The following CGNL1 variants were observed in gnomAD, a reference collection of about 807,000 sequenced individuals.
The protein encoded by CGNL1 is cingulin like 1, also known as cingulin-like protein 1.
CGNL1 carries 132 observed loss-of-function variants against 141.2 expected under a neutral mutation model. The ratio of observed to expected loss-of-function variants is 0.93; its 90% CI spans 0.81 to 1.08. The LOEUF is 1.08. CGNL1 is among the 50% of genes least tolerant of loss of function. The pLI, the probability that CGNL1 is intolerant of heterozygous loss-of-function variation, is 0.00. For synonymous variants in CGNL1, 690 were observed against 622.1 expected (o/e 1.11, Z -1.63); for missense variants, 1,870 against 1,588.6 (o/e 1.18, Z -3.01).
At chr15:57,533,879 G>A (rs567548317) in intron 14 of CGNL1, among the ~76,000 whole-genome samples, 1 of 152,346 alleles carries the variant, frequency 6.6e-6, no homozygotes, top group Non-Finnish European at 1.5e-5. Context: ...AGGACTTGAA[G>A]TAAGTCCAGG....
intron 8 of CGNL1, among the ~76,000 whole-genome samples, chr15:57,515,588 G>C (rs542405462): frequency 1.3e-5 from 2 of 152,222 alleles, no homozygotes; most frequent in East Asian, 1.9e-4. Flanking sequence ...GAGAAATGGA[G>C]GACAGGTAAG....
At chr15:57,402,484 G>T (rs370860473) in intron 1 of CGNL1, among the ~76,000 whole-genome samples, 1 of 152,168 alleles carries the variant, frequency 6.6e-6, no homozygotes, top group African/African-American at 2.4e-5. Flanking sequence ...CATGCTCTAA[G>T]TAGGGCATAA....
intron 8 of CGNL1, among the ~76,000 whole-genome samples, chr15:57,462,396 G>A (rs778910138): frequency 8.5e-5 from 13 of 152,260 alleles, no homozygotes; most frequent in Middle Eastern, 3.4e-3. Flanking sequence ...CTGAATTGCC[G>A]AAACCCTTCC....
At chr15:57,436,711 A>G (rs1209409506) in intron 1 of CGNL1, among the ~76,000 whole-genome samples, 1 of 152,208 alleles carries the variant, frequency 6.6e-6, no homozygotes, top group Non-Finnish European at 1.5e-5. Context: ...TAAAAATCAA[A>G]CTAGAACTCA....
intron 1 of CGNL1, among the ~76,000 whole-genome samples, chr15:57,395,063 A>G (rs1205870721): frequency 6.6e-6 from 1 of 152,268 alleles, no homozygotes; most frequent in Non-Finnish European, 1.5e-5. Context: ...GTGAGCTGAG[A>G]TCATGCCACT....
At chr15:57,428,820 C>A (rs1228689178) in intron 1 of CGNL1, among the ~76,000 whole-genome samples, 2 of 152,038 alleles carry the variant, frequency 1.3e-5, no homozygotes, top group South Asian at 2.1e-4. Flanking sequence ...GTCAGGAGAT[C>A]GAGACCATCC....
intron 8 of CGNL1, among the ~76,000 whole-genome samples, chr15:57,510,847 G>A (rs111735164): frequency 2.0e-5 from 3 of 152,142 alleles, no homozygotes; most frequent in Non-Finnish European, 4.4e-5. Flanking sequence ...AAAAGGAATT[G>A]CTTAACTATG....
At chr15:57,386,675 C>T (rs2062487590) in intron 1 of CGNL1, among the ~76,000 whole-genome samples, 1 of 152,166 alleles carries the variant, frequency 6.6e-6, no homozygotes, top group Non-Finnish European at 1.5e-5. Flanking sequence ...TCAGTTTCCT[C>T]ACCTGTAAAA....
Position 57,438,147 on chromosome 15 carries a change from G to A in CGNL1, c.148G>A (p.Asp50Asn), listed in dbSNP as rs1303362723. The change falls in exon 2 of 19, where the codon GAT (aspartate) becomes AAT (asparagine). Residue 50 changes from aspartate to asparagine, a missense_variant. By Grantham distance (23) the Asp-to-Asn change is conservative. Coordinates refer to ENST00000281282, the MANE Select transcript of CGNL1 (RefSeq NM_032866.5). ...TGTCAGTATTCGGGTCCAGGGAATT[G>A]ATGGTCACCCCTATATTGTCCTGAA... ...YGVSIRVQGI[D>N]GHPYIVLNNT... 6.2e-7 allele frequency: 1 copy of A among 1,614,206 alleles called. No individual in the cohort carries two copies. Among genetic ancestry groups the A allele is most frequent in the Admixed American group, 1.7e-5 (1 of 60,028 alleles).
At chr15:57,526,244 A>G (rs896886565) in intron 12 of CGNL1, among the ~76,000 whole-genome samples, 1 of 151,962 alleles carries the variant, frequency 6.6e-6, no homozygotes, top group Non-Finnish European at 1.5e-5. Context: ...TTTCTCACTG[A>G]TGCAGCCCTG....
chr15:57,514,256 A>G (rs1255157821), intron 8 of CGNL1, among the ~76,000 whole-genome samples: 4 of 152,066 alleles, frequency 2.6e-5, no homozygotes, highest in Non-Finnish European at 5.9e-5. Flanking sequence ...AGTTCAAACA[A>G]TTCTCTCGCC....
chr15:57,519,164 T>C (rs568472039), intron 10 of CGNL1, among the ~76,000 whole-genome samples: 1 of 152,370 alleles, frequency 6.6e-6, no homozygotes, highest in African/African-American at 2.4e-5. Flanking sequence ...TGATTGACTT[T>C]GCACAGTGAC....
chr15:57,469,375 T>C (rs2063551354), intron 8 of CGNL1, among the ~76,000 whole-genome samples: 1 of 148,296 alleles, frequency 6.7e-6, no homozygotes, highest in South Asian at 2.3e-4. Flanking sequence ...CATCTGGGAG[T>C]CGTTGGACGG....
chr15:57,414,527 A>T (rs1264144887), intron 1 of CGNL1, among the ~76,000 whole-genome samples: 1 of 152,174 alleles, frequency 6.6e-6, no homozygotes, highest in Non-Finnish European at 1.5e-5. Flanking sequence ...TCTGGGTTCA[A>T]GGGGAGTCTG....
chr15:57,544,165 C>A (rs532935292), intron 15 of CGNL1, among the ~76,000 whole-genome samples: 24 of 152,314 alleles, frequency 1.6e-4, no homozygotes, highest in African/African-American at 5.5e-4. Flanking sequence ...TTTCTCCTGT[C>A]CCCCTGTAGG....
intron 1 of CGNL1, among the ~76,000 whole-genome samples, chr15:57,431,696 C>T (rs2063046894): frequency 4.0e-5 from 6 of 151,592 alleles, no homozygotes; most frequent in African/African-American, 7.3e-5. Context: ...AAAGCAAATT[C>T]GTAAACATTC....
chr15:57,377,735 A>G (rs1439806739), intron 1 of CGNL1, among the ~76,000 whole-genome samples: 1 of 152,192 alleles, frequency 6.6e-6, no homozygotes, highest in Non-Finnish European at 1.5e-5. Context: ...AGGCATTAGA[A>G]CCGAGCAGTC....
chr15:57,517,049 G>A (rs1449484748), intron 9 of CGNL1, 63 bp downstream of exon 9: 2 of 1,475,536 alleles, frequency 1.4e-6, no homozygotes, highest in Non-Finnish European at 1.9e-6. Flanking sequence ...CTGTGTAAGT[G>A]ATTTCAAAAG....
chr15:57,410,318 C>T lies in CGNL1; in HGVS notation c.-15-27667C>T, dbSNP rs1463763763. 2.6e-5 allele frequency among the ~76,000 whole-genome samples: 4 copies of T among 152,216 alleles called. No individual in the cohort carries two copies. In the East Asian group the frequency reaches 7.7e-4, roughly 29 times the overall value. On this transcript the variant is annotated intron_variant, in intron 1 of 18. Transcript: ENST00000281282. ...GTGAACCTAGGCAAAGTGCACAAAA[C>T]AGTACCTGACTCATGATAGTTCCTC...
Sources: allele counts gnomAD v4.1 joint callset (sites outside exome capture counted in the v4.1 genomes callset), GRCh38; gene constraint gnomAD v4.1.1; transcripts MANE v1.5; gene names NCBI Gene and HGNC (gene_info 2026-07-23, HGNC 2026-07-21).